FANCC: variants seen among roughly 807,000 people sequenced by gnomAD.
FANCC encodes FA complementation group C.
FANCC carries 55 observed loss-of-function variants against 71.3 expected under a neutral mutation model. That is an observed-to-expected ratio of 0.77 (90% CI 0.62 to 0.97). The LOEUF is 0.97. Ranked by LOEUF, FANCC falls within the 50% of genes least tolerant of loss-of-function variation. The pLI is 0.00. For synonymous variants in FANCC, 275 were observed against 244.9 expected (o/e 1.12, Z -1.15); for missense variants, 678 against 670.9 (o/e 1.01, Z -0.12).
At chr9:95,311,961 A>T (rs1319199605) in intron 1 of FANCC, among the ~76,000 whole-genome samples, 1 of 152,206 alleles carries the variant, frequency 6.6e-6, no homozygotes, top group East Asian at 1.9e-4. Context: ...AAGTACAGTC[A>T]CATCTAAAGT....
intron 4 of FANCC, among the ~76,000 whole-genome samples, chr9:95,199,112 G>C (rs12352586): frequency 0.23 from 34,315 of 152,000 alleles, 5,036 homozygotes; most frequent in Non-Finnish European, 0.33. Context: ...CTCCAACCAG[G>C]TATTATAAAA....
intron 8 of FANCC, among the ~76,000 whole-genome samples, chr9:95,128,395 C>A (rs930408371): frequency 1.3e-5 from 2 of 152,148 alleles, no homozygotes; most frequent in Non-Finnish European, 1.5e-5. Flanking sequence ...CTTGGAAATG[C>A]GTTGATAGAA....
chr9:95,243,459 T>A (rs1358571955), intron 3 of FANCC, among the ~76,000 whole-genome samples: 1 of 152,152 alleles, frequency 6.6e-6, no homozygotes, highest in African/African-American at 2.4e-5. Context: ...CTTTTTTCCA[T>A]GATGAAAATT....
At chr9:95,302,580 G>A (rs117338070) in intron 1 of FANCC, among the ~76,000 whole-genome samples, 176 of 152,294 alleles carry the variant, frequency 1.2e-3, no homozygotes, top group Non-Finnish European at 2.2e-3. Flanking sequence ...AATGTAGGCC[G>A]CTTTCAGTGA....
intron 1 of FANCC, among the ~76,000 whole-genome samples, chr9:95,250,167 C>T (rs1440158848): frequency 1.3e-5 from 2 of 152,154 alleles, no homozygotes; most frequent in African/African-American, 2.4e-5. Context: ...CCCTCCCATC[C>T]CACAACCCTT....
At chr9:95,105,539 GTGC>G in intron 14 of FANCC, among the ~76,000 whole-genome samples, 1 of 152,276 alleles carries the variant, frequency 6.6e-6, no homozygotes, top group East Asian at 1.9e-4. Context: ...TACATAAAAT[GTGC>G]TGTTTTACCC....
At chr9:95,220,620 A>G (rs1355431078) in intron 4 of FANCC, among the ~76,000 whole-genome samples, 1 of 152,198 alleles carries the variant, frequency 6.6e-6, no homozygotes, top group African/African-American at 2.4e-5. Flanking sequence ...CCACAAGGAC[A>G]GAAAACCAAA....
At chr9:95,238,097 T>C (rs1406110407) in intron 4 of FANCC, among the ~76,000 whole-genome samples, 1 of 152,202 alleles carries the variant, frequency 6.6e-6, no homozygotes. Context: ...CTTGGACCCC[T>C]CCTTACATTC....
chr9:95,221,267 G>A (rs1420686383), intron 4 of FANCC, among the ~76,000 whole-genome samples: 3 of 151,936 alleles, frequency 2.0e-5, no homozygotes, highest in East Asian at 1.9e-4. Context: ...TATGTTCAAC[G>A]AGCTAAAACA....
At chr9:95,198,784 C>T (rs564636627) in intron 4 of FANCC, among the ~76,000 whole-genome samples, 2 of 152,294 alleles carry the variant, frequency 1.3e-5, no homozygotes, top group South Asian at 4.1e-4. Flanking sequence ...CAGGTCCAGA[C>T]TGGAGTGCAG....
chr9:95,207,843 A>C (rs1564752848), intron 4 of FANCC, among the ~76,000 whole-genome samples: 1 of 152,146 alleles, frequency 6.6e-6, no homozygotes. Flanking sequence ...CTTCATCCTA[A>C]GGAAGAGGAA....
chr9:95,205,922 T>TAAGG (rs1828093903), intron 4 of FANCC, among the ~76,000 whole-genome samples: 1 of 152,116 alleles, frequency 6.6e-6, no homozygotes, highest in African/African-American at 2.4e-5. Flanking sequence ...AAAAAAATAG[T>TAAGG]AAGGAAATAA....
chr9:95,128,998 G>A (rs1441261358), intron 8 of FANCC, among the ~76,000 whole-genome samples: 1 of 151,998 alleles, frequency 6.6e-6, no homozygotes, highest in East Asian at 1.9e-4. Context: ...CAACTCCTGG[G>A]TTCAAAAGAT....
At chr9:95,246,126 G>A (rs2136082732) in intron 3 of FANCC, among the ~76,000 whole-genome samples, 1 of 152,306 alleles carries the variant, frequency 6.6e-6, no homozygotes, top group African/African-American at 2.4e-5. Flanking sequence ...AACTGCAATA[G>A]ATAAACCTAG....
rs4647553 is a variant in FANCC, at chr9:95,100,999, A to C, written c.*708T>G. The C allele has an allele frequency of 4.3e-6, 1 of 233,486 alleles. No individual in the cohort carries two copies. Among genetic ancestry groups the C allele is most frequent in the Non-Finnish European group, 8.5e-6 (1 of 118,246 alleles). The allele number at this position is 233,486 out of a possible 1,614,324, so 14.5% of individuals were successfully genotyped here. ...ACAAGAGAACTAACTAACTGAATTA[A>C]TCCTGCCTTCTAATGTTTCTGGAAC... On this transcript the variant is annotated 3_prime_UTR_variant, in exon 15 of 15. Coordinates refer to ENST00000289081, the MANE Select transcript of FANCC (RefSeq NM_000136.3).
At chr9:95,177,320 A>G (rs1189016025) in intron 4 of FANCC, among the ~76,000 whole-genome samples, 5 of 152,190 alleles carry the variant, frequency 3.3e-5, no homozygotes, top group Non-Finnish European at 7.3e-5. Context: ...AAAATGGTAC[A>G]CCTGTATAGG....
chr9:95,241,463 G>A (rs1445198667), intron 3 of FANCC, among the ~76,000 whole-genome samples: 1 of 151,834 alleles, frequency 6.6e-6, no homozygotes, highest in Non-Finnish European at 1.5e-5. Flanking sequence ...TCCTTTTGTG[G>A]TGACTGAGTC....
chr9:95,135,647 G>A, intron 7 of FANCC, 145 bp from the exon 8 acceptor site: 2 of 687,170 alleles, frequency 2.9e-6, no homozygotes, highest in Middle Eastern at 3.9e-4. Context: ...TATAGAATCA[G>A]TGAATATTTA....
At chr9:95,105,984 C>T (rs1468280493) in intron 14 of FANCC, among the ~76,000 whole-genome samples, 1 of 152,232 alleles carries the variant, frequency 6.6e-6, no homozygotes, top group Non-Finnish European at 1.5e-5. Context: ...GGGTTATAGA[C>T]CTAGGAGAAC....
Sources: allele counts gnomAD v4.1 joint callset (sites outside exome capture counted in the v4.1 genomes callset), GRCh38; gene constraint gnomAD v4.1.1; transcripts MANE v1.5; gene names NCBI Gene and HGNC (gene_info 2026-07-23, HGNC 2026-07-21).